NCALD: variants seen among roughly 807,000 people sequenced by gnomAD.
NCALD encodes the protein neurocalcin delta.
NCALD carries 10 observed loss-of-function variants against 18.6 expected under a neutral mutation model. The observed-to-expected ratio is 0.54, with a 90% CI of 0.33 to 0.91. The LOEUF (loss-of-function observed/expected upper bound fraction) is 0.91, where lower values mean the gene tolerates loss of function less well. Ranked by LOEUF, NCALD falls within the 40% of genes least tolerant of loss-of-function variation. NCALD has a pLI of 0.03. For missense variants in NCALD, 184 were observed against 247.6 expected (o/e 0.74, Z 1.72); for synonymous variants, 88 against 87.4 (o/e 1.01, Z -0.04).
chr8:101,799,924 T>C (rs1812778849), intron 4 of NCALD, among the ~76,000 whole-genome samples: 1 of 152,138 alleles, frequency 6.6e-6, no homozygotes, highest in Non-Finnish European at 1.5e-5. Flanking sequence ...TGGAAGAAAA[T>C]GGGTAAAAGG....
chr8:102,058,882 C>G (rs1308807188), intron 1 of NCALD, among the ~76,000 whole-genome samples: 1 of 152,158 alleles, frequency 6.6e-6, no homozygotes, highest in Non-Finnish European at 1.5e-5. Context: ...AAACAAAAGT[C>G]AGTGTGAGAA....
intron 2 of NCALD, among the ~76,000 whole-genome samples, chr8:101,994,436 A>G (rs1821162817): frequency 1.3e-5 from 2 of 152,048 alleles, no homozygotes; most frequent in South Asian, 4.2e-4. Context: ...ACTGTTCCTG[A>G]ATGAAGTGTC....
intron 1 of NCALD, among the ~76,000 whole-genome samples, chr8:102,074,783 T>TA (rs764476235): frequency 1.3e-3 from 195 of 152,336 alleles, no homozygotes; most frequent in Admixed American, 4.5e-3. Flanking sequence ...AAGATGCTTG[T>TA]AAAATATATG....
At chr8:102,009,787 C>T (rs926278561) in intron 2 of NCALD, among the ~76,000 whole-genome samples, 5 of 152,146 alleles carry the variant, frequency 3.3e-5, no homozygotes, top group Non-Finnish European at 5.9e-5. Flanking sequence ...CTTTAGATGC[C>T]ATGGTAACCA....
intron 1 of NCALD, among the ~76,000 whole-genome samples, chr8:101,729,241 T>A (rs142821983): frequency 0.01 from 1,576 of 152,320 alleles, 8 homozygotes; most frequent in Non-Finnish European, 0.014. Context: ...CATATTTATA[T>A]ATAACAGGCA....
In NCALD at chr8:101,689,493, G is replaced by T; in HGVS notation, c.485-87C>A. On this transcript the variant is annotated intron_variant, in intron 3 of 3. Transcript: ENST00000220931. The surrounding 1 kb of genome is among the most constrained non-coding windows in gnomAD (Gnocchi z 4.4). ...CCACTACTGCGTGCTGGGCAGTGTC[G>T]ATTCACCTGCCTGCAGCCTCACTGC... is the stretch of plus-strand genomic sequence containing the variant. 2.0e-6 allele frequency: 2 copies of T among 1,012,656 alleles called. No homozygotes were observed. Among genetic ancestry groups the T allele is most frequent in the South Asian group, 1.5e-5 (1 of 67,744 alleles). 62.7% of individuals were successfully genotyped at this position (1,012,656 alleles called of 1,614,324 possible).
intron 4 of NCALD, among the ~76,000 whole-genome samples, chr8:101,833,607 C>CTTTTTTTTTTTTT (rs1814276533): frequency 2.7e-5 from 2 of 75,074 alleles, no homozygotes; most frequent in Non-Finnish European, 5.3e-5. Flanking sequence ...TTTTTTGTTT[C>CTTTTTTTTTTTTT]TTGTTTTTTT....
At chr8:101,951,468 C>T (rs55758847) in intron 2 of NCALD, among the ~76,000 whole-genome samples, 5 of 152,186 alleles carry the variant, frequency 3.3e-5, no homozygotes, top group Non-Finnish European at 5.9e-5. Flanking sequence ...AGGGAGGGAG[C>T]GTACCAGAGG....
At chr8:101,867,431 T>G (rs911006927) in intron 4 of NCALD, among the ~76,000 whole-genome samples, 4 of 152,226 alleles carry the variant, frequency 2.6e-5, no homozygotes, top group African/African-American at 9.6e-5. Flanking sequence ...CATAAATAAT[T>G]GTCAAATGAC....
At chr8:101,991,453 T>C (rs1821044489) in intron 2 of NCALD, among the ~76,000 whole-genome samples, 1 of 152,230 alleles carries the variant, frequency 6.6e-6, no homozygotes, top group Admixed American at 6.5e-5. Context: ...CTTTCTTATT[T>C]TGGCCTCCTG....
intron 2 of NCALD, among the ~76,000 whole-genome samples, chr8:102,014,532 C>G (rs917106766): frequency 4.6e-5 from 7 of 152,026 alleles, no homozygotes; most frequent in Admixed American, 4.6e-4. Flanking sequence ...AGAAAATTCC[C>G]TGCTACAAGA....
At chr8:101,996,684 G>A (rs1315640397) in intron 2 of NCALD, among the ~76,000 whole-genome samples, 7 of 152,136 alleles carry the variant, frequency 4.6e-5, no homozygotes, top group African/African-American at 1.2e-4. Flanking sequence ...TGAAACTAAC[G>A]GTGGAAAAGG....
At chr8:101,841,655 CA>C (rs1388562165) in intron 4 of NCALD, among the ~76,000 whole-genome samples, 1 of 152,156 alleles carries the variant, frequency 6.6e-6, no homozygotes, top group Non-Finnish European at 1.5e-5. Context: ...TTGTTGTCCC[CA>C]AAGTTCTGTA....
intron 1 of NCALD, among the ~76,000 whole-genome samples, chr8:102,104,651 C>A (rs1476427153): frequency 6.6e-6 from 1 of 152,132 alleles, no homozygotes; most frequent in Admixed American, 6.5e-5. Flanking sequence ...TTGTAATAGA[C>A]CTGCAAATGT....
At chr8:101,895,878 T>G (rs1817145281) in intron 3 of NCALD, among the ~76,000 whole-genome samples, 1 of 148,836 alleles carries the variant, frequency 6.7e-6, no homozygotes, top group Non-Finnish European at 1.5e-5. Context: ...TACAAACAAA[T>G]GGAAGAACAT....
intron 1 of NCALD, among the ~76,000 whole-genome samples, chr8:101,734,965 T>A (rs907295029): frequency 9.9e-5 from 15 of 152,016 alleles, no homozygotes; most frequent in African/African-American, 3.6e-4. Context: ...AAAGAGGACG[T>A]AGAACAACTG....
At chr8:102,034,881 G>A (rs926756208) in intron 1 of NCALD, among the ~76,000 whole-genome samples, 1 of 152,184 alleles carries the variant, frequency 6.6e-6, no homozygotes, top group African/African-American at 2.4e-5. Context: ...GTGCACAGTA[G>A]TGTTCATTGT....
intron 1 of NCALD, among the ~76,000 whole-genome samples, chr8:102,050,509 T>C (rs1416653015): frequency 6.6e-6 from 1 of 151,078 alleles, no homozygotes; most frequent in Non-Finnish European, 1.5e-5. Flanking sequence ...AATAATATGC[T>C]ATAGGGCCTC....
intron 3 of NCALD, among the ~76,000 whole-genome samples, chr8:101,905,572 T>C (rs1817584754): frequency 6.6e-6 from 1 of 152,152 alleles, no homozygotes. Flanking sequence ...ACTATTTAAA[T>C]TGCCTTCTGA....
Sources: allele counts gnomAD v4.1 joint callset (sites outside exome capture counted in the v4.1 genomes callset), GRCh38; gene constraint gnomAD v4.1.1; non-coding constraint Gnocchi (gnomAD v3.1); transcripts MANE v1.5; gene names NCBI Gene and HGNC (gene_info 2026-07-23, HGNC 2026-07-21).